The following CLIC5 variants were observed in gnomAD, a reference collection of about 807,000 sequenced individuals.
CLIC5 encodes CLIC family member 5.
In CLIC5, 20 loss-of-function variants were observed where a neutral mutation model predicts 24.7. The observed-to-expected ratio is 0.81, with a 90% CI of 0.57 to 1.18. CLIC5 has a LOEUF of 1.18. CLIC5 is among the 50% of genes most tolerant of loss of function. The pLI, the probability that CLIC5 is intolerant of heterozygous loss-of-function variation, is 0.00. For missense variants in CLIC5, 341 were observed against 326.1 expected (o/e 1.05, Z -0.35); for synonymous variants, 159 against 135.6 (o/e 1.17, Z -1.20).
chr6:45,949,756 C>T (rs900986606), intron 2 of CLIC5, among the ~76,000 whole-genome samples: 10 of 152,266 alleles, frequency 6.6e-5, no homozygotes, highest in Non-Finnish European at 8.8e-5. Context: ...AACAAAAATG[C>T]GCTACACATA....
At chr6:45,969,446 C>T (rs890539106) in intron 1 of CLIC5, among the ~76,000 whole-genome samples, 20 of 147,602 alleles carry the variant, frequency 1.4e-4, no homozygotes, top group Non-Finnish European at 2.5e-4. Context: ...CCCATGTCCC[C>T]GCCCCCACCC....
intron 1 of CLIC5, among the ~76,000 whole-genome samples, chr6:46,042,367 G>GT (rs145934150): frequency 5.3e-5 from 8 of 151,698 alleles, no homozygotes; most frequent in Non-Finnish European, 8.8e-5. Flanking sequence ...AGTTCTGTAG[G>GT]TTTTTTTTGT....
chr6:46,079,682 C>T, intron 1 of CLIC5: 1 of 1,540,782 alleles, frequency 6.5e-7, no homozygotes, highest in Non-Finnish European at 8.8e-7. Context: ...ACAGGGTATG[C>T]CTGTCAGAGG....
At chr6:46,109,276 C>T in the CLIC5 span, among the ~76,000 whole-genome samples, 9 of 152,142 alleles carry the variant, frequency 5.9e-5, no homozygotes, top group African/African-American at 2.2e-4. Flanking sequence ...AGCATCCTGA[C>T]CAGTATTTAA....
At chr6:45,883,265 G>T (rs1050210058) in intron 6 of CLIC5, among the ~76,000 whole-genome samples, 6 of 152,180 alleles carry the variant, frequency 3.9e-5, no homozygotes, top group Non-Finnish European at 5.9e-5. Flanking sequence ...GCATACAATG[G>T]GTTCTGAGGT....
intron 4 of CLIC5, among the ~76,000 whole-genome samples, chr6:45,923,343 G>A (rs966034827): frequency 9.9e-5 from 15 of 152,228 alleles, no homozygotes; most frequent in Admixed American, 6.5e-5. Context: ...TTTAGACCTA[G>A]AGATTTTTCT....
At chr6:45,913,927 G>A (rs982235721) in intron 5 of CLIC5, 19 of 647,208 alleles carry the variant, frequency 2.9e-5, no homozygotes, top group Non-Finnish European at 4.0e-5. Context: ...ATACAACAAC[G>A]ATAATTGCGA....
At chr6:45,920,656 T>A in intron 4 of CLIC5, 1 of 975,858 alleles carries the variant, frequency 1.0e-6, no homozygotes, top group Non-Finnish European at 1.2e-6. Flanking sequence ...CTTACTCATC[T>A]GTTGGAAGAA....
chr6:45,894,407 C>T (rs1181279472), downstream of CLIC5, among the ~76,000 whole-genome samples: 1 of 151,918 alleles, frequency 6.6e-6, no homozygotes, highest in Non-Finnish European at 1.5e-5. Flanking sequence ...ATTATAGCAT[C>T]AATTGAGTAA....
At chr6:45,920,043 G>A (rs909389052) in intron 4 of CLIC5, 3 of 392,726 alleles carry the variant, frequency 7.6e-6, no homozygotes, top group African/African-American at 4.3e-5. Context: ...GGGTATTCAC[G>A]TGGCCTGACA....
chr6:45,930,070 T>C (rs1238476281), intron 4 of CLIC5, among the ~76,000 whole-genome samples: 1 of 152,030 alleles, frequency 6.6e-6, no homozygotes, highest in Non-Finnish European at 1.5e-5. Flanking sequence ...ATATACACAC[T>C]CTTTTTTAAA....
chr6:46,089,423 C>T, the CLIC5 span, among the ~76,000 whole-genome samples: 2 of 152,052 alleles, frequency 1.3e-5, no homozygotes, highest in Non-Finnish European at 2.9e-5. Context: ...GGTTAAGGAA[C>T]ATTCTAGAAC....
chr6:45,884,169 C>T (rs1762284424), intron 6 of CLIC5, among the ~76,000 whole-genome samples: 1 of 152,166 alleles, frequency 6.6e-6, no homozygotes, highest in African/African-American at 2.4e-5. Context: ...TGTTGGCTTC[C>T]CATCCTCTGT....
chr6:46,037,896 A>T (rs755347142), intron 1 of CLIC5, among the ~76,000 whole-genome samples: 14 of 152,188 alleles, frequency 9.2e-5, no homozygotes, highest in Non-Finnish European at 1.9e-4. Flanking sequence ...TCACCAAAAG[A>T]CATTTTGCTG....
chr6:45,891,633 C>CAAA (rs5875942), intron 6 of CLIC5, among the ~76,000 whole-genome samples: 8 of 126,632 alleles, frequency 6.3e-5, no homozygotes, highest in African/African-American at 2.3e-4. Context: ...GATTTCATTT[C>CAAA]AAAAAAAAAA....
At chr6:46,113,111 T>C in the CLIC5 span, among the ~76,000 whole-genome samples, 2 of 152,012 alleles carry the variant, frequency 1.3e-5, no homozygotes, top group East Asian at 3.9e-4. Context: ...ATGATGTATA[T>C]GAGATTGTGA....
At chr6:46,099,329 T>C in the CLIC5 span, among the ~76,000 whole-genome samples, 4 of 152,206 alleles carry the variant, frequency 2.6e-5, no homozygotes, top group African/African-American at 4.8e-5. Context: ...TCTATCAATG[T>C]AGCCCCCGAC....
intron 1 of CLIC5, among the ~76,000 whole-genome samples, chr6:46,056,416 T>C (rs1166872645): frequency 6.6e-6 from 1 of 152,162 alleles, no homozygotes; most frequent in Middle Eastern, 3.2e-3. Context: ...TTGACTGGGC[T>C]GGATGCCAGA....
intron 2 of CLIC5, among the ~76,000 whole-genome samples, chr6:45,951,627 G>A (rs1764470580): frequency 6.6e-6 from 1 of 152,122 alleles, no homozygotes; most frequent in Non-Finnish European, 1.5e-5. Flanking sequence ...AAAGGGGAGG[G>A]TTACACTAAA....
Sources: allele counts gnomAD v4.1 joint callset (sites outside exome capture counted in the v4.1 genomes callset), GRCh38; gene constraint gnomAD v4.1.1; transcripts MANE v1.5; gene names NCBI Gene and HGNC (gene_info 2026-07-23, HGNC 2026-07-21).